CSF1R: variants seen among roughly 807,000 people sequenced by gnomAD.
CSF1R encodes colony stimulating factor 1 receptor, also known as macrophage colony-stimulating factor 1 receptor.
In CSF1R, 40 loss-of-function variants were observed where a neutral mutation model predicts 110.0. That is an observed-to-expected ratio of 0.36 (90% CI 0.28 to 0.47). CSF1R has a LOEUF of 0.47. Among genes scored for constraint, CSF1R ranks in the 20% least tolerant of loss-of-function variants. The pLI, the probability that CSF1R is intolerant of heterozygous loss-of-function variation, is 0.99. For synonymous variants in CSF1R, 523 were observed against 503.4 expected (o/e 1.04, Z -0.52); for missense variants, 1,052 against 1,253.0 (o/e 0.84, Z 2.42).
In CSF1R at chr5:150,077,319, G is replaced by A. The variant is rs764525025; in HGVS notation, c.846C>T (p.Asn282=). The change falls in exon 5 of 21, where the codon AAC becomes AAT. Residue 282 remains asparagine (N), a synonymous_variant. Coordinates refer to ENST00000675795, the MANE Select transcript of CSF1R (RefSeq NM_001288705.3). ...HAGNYSCVAS[N]VQGKHSTSMF... is the part of the protein sequence containing the mutation. ...TGGAGGTGGAGTGCTTGCCCTGCAC[G>A]TTGCTGGCCACGCAGGAGTAGTTGC... 2.7e-5 allele frequency: 43 copies of A among 1,614,106 alleles called. No homozygotes were observed. Among genetic ancestry groups the A allele is most frequent in the Non-Finnish European group, 3.1e-5 (37 of 1,180,048 alleles).
intron 1 of CSF1R, chr5:150,098,611 C>G (rs891962046): frequency 3.9e-5 from 6 of 152,064 alleles, no homozygotes; most frequent in African/African-American, 1.4e-4. Flanking sequence ...TTCAACATTG[C>G]ATATCTTATA....
rs748090290 is a variant in CSF1R, at chr5:150,080,789, G to A, written c.285C>T (p.Ala95=). The part of the protein sequence containing the change: ...TEPGDPLGGS[A]AIHLYVKDPA... ...CACCTTTGACATAGAGGTGGATGGC[G>A]GCGCTGCCTCCCAGGGGGTCTCCAG... The change falls in exon 2 of 21, where the codon GCC becomes GCT. Residue 95 remains alanine, a synonymous_variant. Coordinates refer to ENST00000675795, the MANE Select transcript of CSF1R (RefSeq NM_001288705.3). 36 of 1,613,984 alleles carry A rather than the reference G, an allele frequency of 2.2e-5. No homozygotes were observed. The highest frequency in any genetic ancestry group is 2.3e-5 in the Non-Finnish European group (27 of 1,180,008).
intron 1 of CSF1R, among the ~76,000 whole-genome samples, chr5:150,095,204 C>T (rs986605884): frequency 6.8e-6 from 1 of 146,768 alleles, no homozygotes; most frequent in Non-Finnish European, 1.5e-5. Flanking sequence ...TCTCTTGTAA[C>T]ACCCTTCTCC....
chr5:150,101,326 T>C (rs1759396517), intron 1 of CSF1R, among the ~76,000 whole-genome samples: 2 of 152,220 alleles, frequency 1.3e-5, no homozygotes, highest in Admixed American at 6.5e-5. Context: ...TTGCCCCAGA[T>C]GCATGAGAAA....
intron 12 of CSF1R, 114 bp downstream of exon 12, chr5:150,061,377 C>T (rs1346574663): frequency 3.3e-6 from 3 of 919,002 alleles, no homozygotes; most frequent in East Asian, 5.1e-5. Context: ...TGAGCTCTGT[C>T]CCCCAGGCTT....
At chr5:150,105,384 A>ATAT (rs1325691091) in intron 1 of CSF1R, among the ~76,000 whole-genome samples, 69 of 84,234 alleles carry the variant, frequency 8.2e-4, no homozygotes, top group Admixed American at 6.4e-3. Flanking sequence ...ATATATATAT[A>ATAT]TTTTTTTTTT....
chr5:150,078,942 A>G (rs1291677999), intron 3 of CSF1R, among the ~76,000 whole-genome samples: 1 of 152,190 alleles, frequency 6.6e-6, no homozygotes, highest in Non-Finnish European at 1.5e-5. Context: ...TCACATTTGT[A>G]TTTACTTTCT....
chr5:150,082,768 C>T (rs931710120), intron 1 of CSF1R, among the ~76,000 whole-genome samples: 1 of 152,218 alleles, frequency 6.6e-6, no homozygotes, highest in East Asian at 1.9e-4. Context: ...CAGCTCCCAC[C>T]CCAAAAACTT....
chr5:150,085,077 G>C (rs79909049), intron 1 of CSF1R, among the ~76,000 whole-genome samples: 1 of 151,974 alleles, frequency 6.6e-6, no homozygotes, highest in Admixed American at 6.5e-5. Flanking sequence ...TCAGGAGTTC[G>C]AGACCAGCTT....
Position 150,056,375 on chromosome 5 carries a change from C to CT in CSF1R, c.2320-35dup, listed in dbSNP as rs752636128. On this transcript the variant is annotated intron_variant, in intron 16 of 20. Coordinates refer to ENST00000675795, the MANE Select transcript of CSF1R (RefSeq NM_001288705.3). ...AAGCACTGCAGGGTTAGTCTTGGGC[C>CT]TTCTCCTACCTGAGCCTGAGGTGAG... is the stretch of plus-strand genomic sequence containing the variant. 19 of 1,612,276 alleles carry CT rather than the reference C, an allele frequency of 1.2e-5. No individual in the cohort carries two copies. The Admixed American group carries it at 3.0e-4, about 26-fold the overall frequency.
intron 10 of CSF1R, among the ~76,000 whole-genome samples, chr5:150,062,492 T>G (rs986390822): frequency 7.6e-6 from 1 of 131,564 alleles, no homozygotes; most frequent in South Asian, 2.3e-4. Context: ...CTCTAGGCAC[T>G]GCACCTCAGT....
rs118154877 is a variant in CSF1R, at chr5:150,100,736, C to T, written c.-181+12525G>A. ...CAAATTCTACTCCCTGGCAGGCATA[C>T]GTGCAATAGAAATGTGTGCACAAGT... On this transcript the variant is annotated intron_variant, in intron 1 of 21. Transcript: ENST00000286301. Among the ~76,000 whole-genome samples the T allele has an allele frequency of 1.6e-3, 237 of 152,022 alleles. 10 individuals are homozygous for T. In the East Asian group the frequency reaches 0.034, roughly 22 times the overall value.
At chr5:150,102,803 T>C (rs1759446938) in intron 1 of CSF1R, among the ~76,000 whole-genome samples, 1 of 152,252 alleles carries the variant, frequency 6.6e-6, no homozygotes, top group Admixed American at 6.5e-5. Flanking sequence ...GTTATCTGTA[T>C]TATGTCTGCT....
chr5:150,089,991 T>G (rs570288549), upstream of CSF1R, among the ~76,000 whole-genome samples: 1 of 152,262 alleles, frequency 6.6e-6, no homozygotes, highest in African/African-American at 2.4e-5. Flanking sequence ...AAGAATGAAG[T>G]TGAATCCTTA....
At chr5:150,107,091 A>C (rs1759580220) in intron 1 of CSF1R, among the ~76,000 whole-genome samples, 1 of 152,208 alleles carries the variant, frequency 6.6e-6, no homozygotes, top group African/African-American at 2.4e-5. Context: ...AAATGTATAA[A>C]CAATCCAATG....
chr5:150,087,071 G>A (rs1247592066), upstream of CSF1R, among the ~76,000 whole-genome samples: 2 of 152,096 alleles, frequency 1.3e-5, no homozygotes, highest in African/African-American at 4.8e-5. Context: ...TCAAACTCCT[G>A]GCTCAAGCCT....
intron 10 of CSF1R, among the ~76,000 whole-genome samples, chr5:150,062,827 A>G (rs1023703964): frequency 1.3e-5 from 2 of 152,322 alleles, no homozygotes; most frequent in Non-Finnish European, 2.9e-5. Flanking sequence ...AGGCCCCTAA[A>G]GAGCCCACCA....
chr5:150,076,488 G>A (rs1758273848), intron 5 of CSF1R, among the ~76,000 whole-genome samples: 1 of 152,178 alleles, frequency 6.6e-6, no homozygotes, highest in African/African-American at 2.4e-5. Flanking sequence ...GCAGACTCAG[G>A]TTGGAACACT....
At chr5:150,082,618 G>T (rs75279778) in intron 1 of CSF1R, among the ~76,000 whole-genome samples, 1,818 of 152,336 alleles carry the variant, frequency 0.012, 32 homozygotes, top group African/African-American at 0.041. Flanking sequence ...CCCCCAGGCC[G>T]GGGTTTTATA....
Sources: gnomAD v4.1 joint callset for allele counts (sites outside exome capture counted in the v4.1 genomes callset) on GRCh38, gnomAD v4.1.1 for gene constraint, MANE v1.5 for transcripts, NCBI Gene and HGNC (gene_info 2026-07-23, HGNC 2026-07-21) for gene names.